The following RIT1 variants were observed in gnomAD, a reference collection of about 807,000 sequenced individuals.
RIT1 encodes the protein Ras like without CAAX 1.
RIT1 carries 6 observed loss-of-function variants against 25.6 expected under a neutral mutation model. That is an observed-to-expected ratio of 0.23 (90% confidence interval 0.13 to 0.46). The LOEUF (loss-of-function observed/expected upper bound fraction) is 0.46. Ranked by LOEUF, RIT1 falls within the 20% of genes least tolerant of loss-of-function variation. RIT1 has a pLI of 0.99. For synonymous variants in RIT1, 81 were observed against 94.1 expected (o/e 0.86, Z 0.80); for missense variants, 219 against 284.4 (o/e 0.77, Z 1.65).
Position 155,904,742 on chromosome 1 carries a change from T to C in RIT1, c.226A>G (p.Thr76Ala). ...DEPANLDILD[T>A]AGQAEFTAMR... is the part of the protein sequence containing the mutation. Reference sequence around the variant, plus strand: ...CTGGGATTTAATACCTGTCCAGCTGTATCCAAAATGTCCAGATTGGCAGGC... The same window carrying C: ...CTGGGATTTAATACCTGTCCAGCTGCATCCAAAATGTCCAGATTGGCAGGC... Residue 76 changes from threonine to alanine, a missense_variant, in exon 4 of 6, where the codon ACA (threonine) becomes GCA (alanine). Physicochemically the swap from Thr to Ala is moderately conservative, Grantham distance 58. This residue lies in a region of RIT1 where 131 missense variants were observed against 173.6 expected (regional missense o/e 0.75). Transcript: ENST00000368323. 6.2e-7 allele frequency: 1 copy of C among 1,608,418 alleles called. No individual in the cohort carries two copies. The highest frequency in any genetic ancestry group is 8.5e-7 in the Non-Finnish European group (1 of 1,174,818).
intron 2 of RIT1, 57 bp from the exon 3 acceptor site, chr1:155,910,563 T>C: frequency 6.2e-7 from 1 of 1,610,004 alleles, no homozygotes; most frequent in Non-Finnish European, 8.5e-7. Flanking sequence ...AGAGAGAATT[T>C]TAAGTATTAA....
chr1:155,909,229 T>A (rs1478215326), intron 3 of RIT1, among the ~76,000 whole-genome samples: 1 of 151,348 alleles, frequency 6.6e-6, no homozygotes, highest in Non-Finnish European at 1.5e-5. Context: ...CAAAAAAAAA[T>A]TAGCCGGGCT....
At chr1:155,905,986 G>T (rs1400949397) in intron 3 of RIT1, among the ~76,000 whole-genome samples, 1 of 151,790 alleles carries the variant, frequency 6.6e-6, no homozygotes, top group Non-Finnish European at 1.5e-5. Flanking sequence ...TGCCACTATT[G>T]CCCGGCTAAT....
rs1673283485 is a variant in RIT1 at position 155,900,255 on chromosome 1, A to AT, written c.*132dup. 1.5e-6 allele frequency: 1 copy of AT among 670,684 alleles called. No homozygotes were observed. Among genetic ancestry groups the AT allele is most frequent in the South Asian group, 1.8e-5 (1 of 54,282 alleles). 41.5% of individuals were successfully genotyped at this position (670,684 alleles called of 1,614,324 possible). ...GAGACAATACTTTAAATACCACATC[A>AT]TTAAAAACTCCTAGTAGGCATGTCC... On this transcript the variant is annotated 3_prime_UTR_variant, in exon 6 of 6. Transcript: ENST00000368323.
intron 4 of RIT1, 105 bp downstream of exon 4, chr1:155,904,626 T>G: frequency 8.2e-7 from 1 of 1,221,538 alleles, no homozygotes; most frequent in Non-Finnish European, 1.2e-6. Flanking sequence ...TCAGAGTGCA[T>G]GAAAAATTAA....
At chr1:155,909,198 A>G (rs1673526627) in intron 3 of RIT1, among the ~76,000 whole-genome samples, 1 of 151,836 alleles carries the variant, frequency 6.6e-6, no homozygotes, top group Non-Finnish European at 1.5e-5. Flanking sequence ...ACACGGTGAA[A>G]TCCCATCTCT....
Position 155,900,135 on chromosome 1 carries a change from C to T in RIT1, c.*253G>A, listed in dbSNP as rs1053028086. 5 of 460,630 alleles carry T rather than the reference C, an allele frequency of 1.1e-5. No individual in the cohort carries two copies. The highest frequency in any genetic ancestry group is 6.6e-5 in the South Asian group (2 of 30,414). The allele number at this position is 460,630 out of a possible 1,614,324, so 28.5% of individuals were successfully genotyped here. A position where few individuals can be genotyped will look rare whatever the true frequency, so the allele number is the denominator to read the frequency against. On this transcript the variant is annotated 3_prime_UTR_variant, in exon 6 of 6. Coordinates refer to ENST00000368323, the MANE Select transcript of RIT1 (RefSeq NM_006912.6). ...TAAACAAATTTACATTAATTAATAG[C>T]GCAACAGAACCCAAAACATTGGTAG...
At chr1:155,911,049 G>T in intron 1 of RIT1, 194 bp downstream of exon 1, 1 of 882,596 alleles carries the variant, frequency 1.1e-6, no homozygotes, top group Admixed American at 2.6e-5. Flanking sequence ...AAAATAAAAA[G>T]ATACAAATAA....
chr1:155,904,289 G>A, intron 5 of RIT1, 22 bp downstream of exon 5: 1 of 1,524,444 alleles, frequency 6.6e-7, no homozygotes, highest in Non-Finnish European at 9.1e-7. Context: ...ATTATAGACA[G>A]TATTTTCTTC....
At chr1:155,900,742 C>T in intron 5 of RIT1, 124 bp from the exon 6 acceptor site, 1 of 719,560 alleles carries the variant, frequency 1.4e-6, no homozygotes, top group African/African-American at 1.8e-5. Flanking sequence ...AAGCATACAG[C>T]ACTAATTTTT....
At chr1:155,910,263 TTA>T in intron 3 of RIT1, 185 bp downstream of exon 3, 2 of 592,900 alleles carry the variant, frequency 3.4e-6, no homozygotes, top group Non-Finnish European at 6.0e-6. Context: ...TAAAGATGGC[TTA>T]TGACATAAAG....
At position 155,900,511 on chromosome 1, in the gene RIT1, T is replaced by C; in HGVS notation, c.537A>G (p.Val179=). The C allele has an allele frequency of 6.2e-7, 1 of 1,614,122 alleles. No homozygotes were observed. The highest frequency in any genetic ancestry group is 8.5e-7 in the Non-Finnish European group (1 of 1,180,006). Residue 179 remains valine (V), a synonymous_variant, in exon 6 of 6, where the codon GTA becomes GTG. Transcript: ENST00000368323. ...YYIDDVFHAL[V]REIRRKEKEA... The stretch of plus-strand genomic sequence containing the variant: ...CCTTTTCTTTCCTACGTATCTCCCG[T>C]ACAAGGGCATGGAAAACATCATCAA...
chr1:155,903,452 C>CAAAAAAAAAA (rs1192641376), intron 5 of RIT1, among the ~76,000 whole-genome samples: 1 of 53,724 alleles, frequency 1.9e-5, no homozygotes, highest in Non-Finnish European at 3.5e-5. Context: ...GACTCTGTCT[C>CAAAAAAAAAA]AAAAAAAAAA....
chr1:155,906,019 G>A (rs1188085828), intron 3 of RIT1, among the ~76,000 whole-genome samples: 1 of 152,000 alleles, frequency 6.6e-6, no homozygotes, highest in Non-Finnish European at 1.5e-5. Context: ...AGTATAGACA[G>A]GGTTTCACCA....
intron 5 of RIT1, among the ~76,000 whole-genome samples, chr1:155,901,371 G>GT (rs1673308613): frequency 1.3e-5 from 2 of 152,188 alleles, no homozygotes; most frequent in South Asian, 4.2e-4. Context: ...GCCAGGAGCG[G>GT]TGGCTCACGC....
At chr1:155,911,132 G>T (rs575037540) in intron 1 of RIT1, 111 bp downstream of exon 1, 3 of 570,500 alleles carry the variant, frequency 5.3e-6, no homozygotes, top group African/African-American at 3.8e-5. Context: ...TAGGCCGCAG[G>T]GGTTCTCTCA....
rs1237511566 is a variant in RIT1, at chr1:155,899,523, GGTGT to G, written c.*861_*864del. On this transcript the variant is annotated 3_prime_UTR_variant, in exon 6 of 6. Transcript: ENST00000368323. ...AGGAAGCAATGAATATAAATGTGTT[GGTGT>G]GTGCGTCTGTGGGGAAAAAATAAAC... 8.9e-6 allele frequency: 2 copies of G among 223,870 alleles called. No homozygotes were observed. Among genetic ancestry groups the G allele is most frequent in the Non-Finnish European group, 8.9e-6 (1 of 112,078 alleles). The allele number at this position is 223,870 out of a possible 1,614,324, so 13.9% of individuals were successfully genotyped here.
intron 3 of RIT1, among the ~76,000 whole-genome samples, chr1:155,906,512 G>C (rs1175336820): frequency 1.3e-5 from 2 of 152,100 alleles, no homozygotes; most frequent in Non-Finnish European, 2.9e-5. Context: ...TGTAATCCCA[G>C]CACTTTGGGA....
chr1:155,908,183 C>T (rs891788074), intron 3 of RIT1, among the ~76,000 whole-genome samples: 5 of 151,116 alleles, frequency 3.3e-5, no homozygotes, highest in Non-Finnish European at 7.4e-5. Flanking sequence ...CGGCCGGGCA[C>T]GGTGGCTCAC....
Sources: allele counts gnomAD v4.1 joint callset (sites outside exome capture counted in the v4.1 genomes callset), GRCh38; gene constraint gnomAD v4.1.1; regional missense constraint gnomAD v4.1.1; transcripts MANE v1.5; gene names NCBI Gene and HGNC (gene_info 2026-07-23, HGNC 2026-07-21).